The following PRTFDC1 variants were observed in gnomAD, a reference collection of about 807,000 sequenced individuals.
PRTFDC1 encodes the protein phosphoribosyl transferase domain containing 1.
PRTFDC1 carries 38 observed loss-of-function variants against 34.6 expected under a neutral mutation model. That is an observed-to-expected ratio of 1.10 (90% CI 0.85 to 1.44). The LOEUF (loss-of-function observed/expected upper bound fraction) is 1.44, where lower values mean the gene tolerates loss of function less well. Among genes scored for constraint, PRTFDC1 ranks in the 40% most tolerant of loss-of-function variants. PRTFDC1 has a pLI of 0.00. For missense variants in PRTFDC1, 270 were observed against 283.0 expected, an observed-to-expected ratio of 0.95 and a Z score of 0.33; for synonymous variants, 93 against 98.1, an observed-to-expected ratio of 0.95 and a Z score of 0.31.
chr10:24,943,378 C>G (rs886674755), intron 1 of PRTFDC1, among the ~76,000 whole-genome samples: 3 of 152,006 alleles, frequency 2.0e-5, no homozygotes, highest in Non-Finnish European at 4.4e-5. Context: ...GTCTCCCTCT[C>G]GCTTAGGACT....
At chr10:24,891,420 G>C (rs182089375) in intron 3 of PRTFDC1, among the ~76,000 whole-genome samples, 1 of 152,140 alleles carries the variant, frequency 6.6e-6, no homozygotes, top group Non-Finnish European at 1.5e-5. Context: ...TTATACTTTG[G>C]ATAAGCCCCT....
chr10:24,930,670 T>G (rs1848957347), intron 3 of PRTFDC1, among the ~76,000 whole-genome samples: 1 of 152,118 alleles, frequency 6.6e-6, no homozygotes. Flanking sequence ...AAATACTAGA[T>G]CCACCACTTA....
At chr10:24,897,081 G>T (rs987489291) in intron 3 of PRTFDC1, among the ~76,000 whole-genome samples, 1 of 152,146 alleles carries the variant, frequency 6.6e-6, no homozygotes, top group Non-Finnish European at 1.5e-5. Flanking sequence ...ATGGTGGCAT[G>T]TGCCTGTAGT....
Position 24,937,374 on chromosome 10 carries a change from G to T in PRTFDC1, c.156-7C>A. 1 of 1,603,092 alleles carries T rather than the reference G, an allele frequency of 6.2e-7. No individual in the cohort carries two copies. The highest frequency in any genetic ancestry group is 8.5e-7 in the Non-Finnish European group (1 of 1,176,168). ...CTTGGCCAGCCGCTCAATTCTGAAA[G>T]AAGGATAAAAGATATATTAAGGCAC... On this transcript the variant is annotated splice_polypyrimidine_tract_variant and splice_region_variant and intron_variant, in intron 2 of 8. Transcript: ENST00000320152.
intron 3 of PRTFDC1, among the ~76,000 whole-genome samples, chr10:24,890,517 C>T (rs1307714419): frequency 6.6e-6 from 1 of 152,210 alleles, no homozygotes; most frequent in Non-Finnish European, 1.5e-5. Flanking sequence ...ATCTACTCTT[C>T]TCTCCCTCTG....
chr10:24,883,816 ACC>A (rs1848119671), intron 3 of PRTFDC1, among the ~76,000 whole-genome samples: 2 of 113,706 alleles, frequency 1.8e-5, no homozygotes, highest in African/African-American at 6.5e-5. Context: ...TTCTTAAGAG[ACC>A]TTTTTTTTTT....
intron 3 of PRTFDC1, among the ~76,000 whole-genome samples, chr10:24,931,588 T>C (rs1269241901): frequency 6.6e-6 from 1 of 151,946 alleles, no homozygotes; most frequent in Non-Finnish European, 1.5e-5. Flanking sequence ...GGGAATATTA[T>C]AAACAACTTT....
chr10:24,937,465 CA>C (rs1264216333), intron 2 of PRTFDC1, 98 bp from the exon 3 acceptor site: 1 of 1,107,118 alleles, frequency 9.0e-7, no homozygotes, highest in Non-Finnish European at 1.2e-6. Flanking sequence ...TTCGATTACT[CA>C]GAGGAATGTG....
chr10:24,871,623 G>A (rs572067422), intron 4 of PRTFDC1, among the ~76,000 whole-genome samples: 13 of 151,042 alleles, frequency 8.6e-5, no homozygotes, highest in African/African-American at 2.7e-4. Flanking sequence ...TCTTACTGAC[G>A]TGCCTGGGTG....
At chr10:24,891,719 C>T (rs186067602) in intron 3 of PRTFDC1, among the ~76,000 whole-genome samples, 10 of 152,184 alleles carry the variant, frequency 6.6e-5, no homozygotes, top group African/African-American at 2.2e-4. Context: ...TGTAATCGTG[C>T]CACTGCATTC....
chr10:24,864,984 T>C (rs9417401), intron 4 of PRTFDC1, among the ~76,000 whole-genome samples: 77,448 of 151,902 alleles, frequency 0.51, 22,861 homozygotes, highest in Non-Finnish European at 0.67. Context: ...GGCATGGTGG[T>C]GCACGCCTGT....
At chr10:24,907,479 C>T (rs1037413656) in intron 3 of PRTFDC1, among the ~76,000 whole-genome samples, 2 of 152,084 alleles carry the variant, frequency 1.3e-5, no homozygotes, top group East Asian at 1.9e-4. Flanking sequence ...GCCTGTAGTC[C>T]CCATTACTCG....
intron 3 of PRTFDC1, among the ~76,000 whole-genome samples, chr10:24,886,583 G>C (rs987262381): frequency 6.6e-6 from 1 of 152,170 alleles, no homozygotes; most frequent in Non-Finnish European, 1.5e-5. Flanking sequence ...CTGTATGTGT[G>C]GGGTGGGGCC....
At chr10:24,949,739 AT>A (rs201933925) in intron 1 of PRTFDC1, among the ~76,000 whole-genome samples, 133 of 117,074 alleles carry the variant, frequency 1.1e-3, no homozygotes, top group African/African-American at 3.2e-3. Context: ...TTATTTATTT[AT>A]TTTTTTTTTT....
intron 3 of PRTFDC1, among the ~76,000 whole-genome samples, chr10:24,898,077 T>C (rs1848396300): frequency 6.6e-6 from 1 of 152,138 alleles, no homozygotes; most frequent in African/African-American, 2.4e-5. Flanking sequence ...TTTTGATAAG[T>C]GTCCAATTCA....
intron 3 of PRTFDC1, among the ~76,000 whole-genome samples, chr10:24,929,056 G>A (rs7080853): frequency 0.21 from 13,333 of 64,284 alleles, 2,153 homozygotes; most frequent in African/African-American, 0.45. Context: ...AAAAAAAAAA[G>A]AAAGAAAGAA....
intron 3 of PRTFDC1, among the ~76,000 whole-genome samples, chr10:24,911,022 A>G (rs10828722): frequency 0.26 from 39,654 of 151,928 alleles, 5,960 homozygotes; most frequent in Non-Finnish European, 0.35. Flanking sequence ...ATCGAATTCC[A>G]ATTAAAATGT....
chr10:24,937,039 G>A, intron 3 of PRTFDC1, 145 bp downstream of exon 3: 1 of 738,784 alleles, frequency 1.4e-6, no homozygotes, highest in South Asian at 1.9e-5. Context: ...ATGTTAGGTT[G>A]CCGTATTCTT....
In PRTFDC1 at chr10:24,849,778, C is replaced by A; in HGVS notation, c.*66G>T. ...ATGCCTGGGGGGACAAACTTGACAG[C>A]TGGCTTCCCAAGTACAGGCGTAAAT... On this transcript the variant is annotated 3_prime_UTR_variant, in exon 9 of 9. Coordinates refer to ENST00000320152, the MANE Select transcript of PRTFDC1 (RefSeq NM_020200.7). The A allele has an allele frequency of 1.3e-6, 2 of 1,519,612 alleles. No homozygotes were observed. The highest frequency in any genetic ancestry group is 1.8e-6 in the Non-Finnish European group (2 of 1,096,574). The allele number at this position is 1,519,612 out of a possible 1,614,324, so 94.1% of individuals were successfully genotyped here.
Sources: allele counts gnomAD v4.1 joint callset (sites outside exome capture counted in the v4.1 genomes callset), GRCh38; gene constraint gnomAD v4.1.1; transcripts MANE v1.5; gene names NCBI Gene and HGNC (gene_info 2026-07-23, HGNC 2026-07-21).